Variants in ZIM2 observed in about 807,000 individuals in gnomAD.
The protein encoded by ZIM2 is zinc finger protein 656.
A neutral mutation model predicts 38.6 loss-of-function variants in ZIM2; 14 were observed. The observed-to-expected ratio is 0.36, with a 90% CI of 0.24 to 0.57. ZIM2 has a LOEUF of 0.57. Ranked by LOEUF, ZIM2 falls within the 20% of genes least tolerant of loss-of-function variation. ZIM2 has a pLI of 0.81. For missense variants in ZIM2, 680 were observed against 695.1 expected (o/e 0.98, Z 0.24); for synonymous variants, 247 against 245.8 (o/e 1.00, Z -0.04).
At chr19:56,776,795 G>A (rs2046032825) in intron 12 of ZIM2, among the ~76,000 whole-genome samples, 1 of 152,174 alleles carries the variant, frequency 6.6e-6, no homozygotes, top group Non-Finnish European at 1.5e-5. Flanking sequence ...AAAATGATTA[G>A]TGGAGGGGAC....
At chr19:56,833,115 G>A (rs561505658) in intron 2 of ZIM2, 95 of 513,256 alleles carry the variant, frequency 1.9e-4, no homozygotes, top group African/African-American at 4.4e-4. Flanking sequence ...ACTAGAAAGC[G>A]TCTGGGACCA....
chr19:56,780,897 C>G (rs1187104331), intron 11 of ZIM2, among the ~76,000 whole-genome samples: 1 of 152,160 alleles, frequency 6.6e-6, no homozygotes, highest in Non-Finnish European at 1.5e-5. Context: ...ATTTAGCCCA[C>G]TGTACTCATT....
chr19:56,815,717 G>T, intron 9 of ZIM2: 1 of 1,614,088 alleles, frequency 6.2e-7, no homozygotes, highest in Non-Finnish European at 8.5e-7. Flanking sequence ...CCCTCTCCAG[G>T]AACACTTTTC....
chr19:56,825,376 C>T (rs762200619), intron 3 of ZIM2, among the ~76,000 whole-genome samples: 5 of 152,232 alleles, frequency 3.3e-5, no homozygotes, highest in African/African-American at 9.6e-5. Context: ...TGCTACTGCA[C>T]GTTCTTTTGC....
chr19:56,784,526 TAGTC>T (rs1383947829), intron 10 of ZIM2, among the ~76,000 whole-genome samples: 10 of 152,216 alleles, frequency 6.6e-5, no homozygotes, highest in Non-Finnish European at 1.0e-4. Flanking sequence ...GGTCATGTGG[TAGTC>T]AGAGCATTTT....
intron 9 of ZIM2, among the ~76,000 whole-genome samples, chr19:56,801,747 A>G (rs755493098): frequency 6.6e-6 from 1 of 152,238 alleles, no homozygotes; most frequent in South Asian, 2.1e-4. Context: ...CACAGCAGAC[A>G]TTAGACATAA....
chr19:56,824,659 T>C (rs377695388), intron 3 of ZIM2: 1 of 1,587,238 alleles, frequency 6.3e-7, no homozygotes, highest in African/African-American at 1.4e-5. Context: ...GCAGCATTTC[T>C]CTAAGTAAAA....
chr19:56,824,260 A>G lies in ZIM2; in HGVS notation c.16+2T>C. 1 of 1,612,858 alleles carries G rather than the reference A, an allele frequency of 6.2e-7. No individual in the cohort carries two copies. The highest frequency in any genetic ancestry group is 1.1e-5 in the South Asian group (1 of 91,032). On this transcript the variant is annotated splice_donor_variant, in intron 4 of 12. Transcript: ENST00000629319. LOFTEE classifies it high-confidence loss of function. ...CCACCAACACCCCGTGGAGACTCTC[A>G]CCTTCTGGTTGGTACATCTCCTTGT... is the stretch of plus-strand genomic sequence containing the variant.
At position 56,779,402 on chromosome 19, in the gene ZIM2, G is replaced by A; in HGVS notation, c.810C>T (p.Asp270=). ...CTTGACAAATCACTGTATGTCTGCT[G>A]TCTGTCTCCATTGCATATGATTCCT... ...EEEESYAMET[D]SRHTVICQGE... is the part of the protein sequence containing the mutation. Residue 270 remains aspartate, a synonymous_variant, in exon 12 of 13, where the codon GAC becomes GAT. Coordinates refer to ENST00000629319, the MANE Select transcript of ZIM2 (RefSeq NM_001387356.1). 2 of 1,613,928 alleles carry A rather than the reference G, an allele frequency of 1.2e-6. No individual in the cohort carries two copies. Among genetic ancestry groups the A allele is most frequent in the Non-Finnish European group, 1.7e-6 (2 of 1,179,890 alleles).
intron 7 of ZIM2, among the ~76,000 whole-genome samples, chr19:56,820,215 C>A (rs1395147825): frequency 6.6e-6 from 1 of 152,204 alleles, no homozygotes; most frequent in Non-Finnish European, 1.5e-5. Flanking sequence ...GTAGTTTTCA[C>A]AACATGATCT....
At chr19:56,803,485 T>TTTC (rs1223658000) in intron 9 of ZIM2, among the ~76,000 whole-genome samples, 2 of 152,152 alleles carry the variant, frequency 1.3e-5, no homozygotes, top group Non-Finnish European at 2.9e-5. Context: ...AAAGCAGAGC[T>TTTC]TGTTGCTCTA....
chr19:56,834,578 A>C (rs1235058503), intron 2 of ZIM2, among the ~76,000 whole-genome samples: 1 of 152,232 alleles, frequency 6.6e-6, no homozygotes, highest in Non-Finnish European at 1.5e-5. Flanking sequence ...TCCTATTTCA[A>C]GTCACATGTC....
rs747453103 is a variant in ZIM2, at chr19:56,779,364, C to T, written c.835+13G>A. 3 of 1,613,186 alleles carry T rather than the reference C, an allele frequency of 1.9e-6. No homozygotes were observed. Among genetic ancestry groups the T allele is most frequent in the Non-Finnish European group, 2.5e-6 (3 of 1,179,460 alleles). On this transcript the variant is annotated intron_variant, in intron 12 of 12. Transcript: ENST00000629319. The stretch of plus-strand genomic sequence containing the variant: ...CCCCCTCCTACACCCCGGGCTTCCC[C>T]CTCACTACTCACCTTGACAAATCAC...
chr19:56,803,920 A>G (rs937609018), intron 9 of ZIM2, among the ~76,000 whole-genome samples: 4 of 152,206 alleles, frequency 2.6e-5, no homozygotes, highest in Non-Finnish European at 5.9e-5. Context: ...ACCCTCGTGG[A>G]CAATTTCTTT....
intron 1 of ZIM2, among the ~76,000 whole-genome samples, chr19:56,839,715 G>A (rs2062744436): frequency 6.6e-6 from 1 of 151,492 alleles, no homozygotes; most frequent in African/African-American, 2.4e-5. Context: ...TACATCCAAT[G>A]CAACCCACAG....
chr19:56,782,435 T>G (rs754319178), intron 10 of ZIM2: 1 of 466,486 alleles, frequency 2.1e-6, no homozygotes, highest in South Asian at 1.6e-5. Flanking sequence ...GCTCTGGTTC[T>G]TTGTGAGTTT....
At chr19:56,807,246 C>A (rs2047803077) in intron 9 of ZIM2, among the ~76,000 whole-genome samples, 1 of 152,184 alleles carries the variant, frequency 6.6e-6, no homozygotes, top group South Asian at 2.1e-4. Flanking sequence ...ACTTCTTTCC[C>A]AGTGATCCCT....
chr19:56,822,946 G>C, intron 5 of ZIM2, 110 bp from the exon 6 acceptor site: 1 of 1,419,216 alleles, frequency 7.0e-7, no homozygotes, highest in South Asian at 1.3e-5. Flanking sequence ...TTCCCACAAG[G>C]AGATGGATCC....
At chr19:56,821,570 A>T in intron 7 of ZIM2, 81 bp downstream of exon 7, 1 of 1,558,602 alleles carries the variant, frequency 6.4e-7, no homozygotes, top group Non-Finnish European at 8.8e-7. Flanking sequence ...GGGCAGATAA[A>T]CACACCATCT....
Sources: gnomAD v4.1 joint callset for allele counts (sites outside exome capture counted in the v4.1 genomes callset) on GRCh38, gnomAD v4.1.1 for gene constraint, MANE v1.5 for transcripts, NCBI Gene and HGNC (gene_info 2026-07-23, HGNC 2026-07-21) for gene names.